NIBAN2: variants seen among roughly 807,000 people sequenced by gnomAD.
The protein encoded by NIBAN2 is protein Niban 2.
NIBAN2 carries 36 observed loss-of-function variants against 81.8 expected under a neutral mutation model. The ratio of observed to expected loss-of-function variants is 0.44; its 90% CI spans 0.34 to 0.58. The LOEUF (loss-of-function observed/expected upper bound fraction) is 0.58. Among genes scored for constraint, NIBAN2 ranks in the 20% least tolerant of loss-of-function variants. The pLI is 0.02. For missense variants in NIBAN2, 897 were observed against 1,014.1 expected, an observed-to-expected ratio of 0.88 and a Z score of 1.57; for synonymous variants, 445 against 441.6, an observed-to-expected ratio of 1.01 and a Z score of -0.10.
At chr9:127,553,617 C>T (rs1401933400) in intron 1 of NIBAN2, among the ~76,000 whole-genome samples, 1 of 152,240 alleles carries the variant, frequency 6.6e-6, no homozygotes, top group African/African-American at 2.4e-5. Context: ...CTAAACACAG[C>T]AGAATGGGGT....
rs1052607796 is a variant in NIBAN2 at position 127,520,681 on chromosome 9, C to T, written c.590-2740G>A. On this transcript the variant is annotated intron_variant, in intron 5 of 13. Transcript: ENST00000373312. ...CTGTAATCCCAGCACTTTGGGAGGC[C>T]GAGGCGGCAGAATCACGAGATCAGG... is the stretch of plus-strand genomic sequence containing the variant. 3.9e-5 allele frequency among the ~76,000 whole-genome samples: 6 copies of T among 151,964 alleles called. No individual in the cohort carries two copies. In the South Asian group the frequency reaches 6.2e-4, roughly 16 times the overall value.
rs745367909 is a variant in NIBAN2, at chr9:127,536,061, G to A, written c.56-4283C>T. On this transcript the variant is annotated intron_variant, in intron 1 of 13. Coordinates refer to ENST00000373312, the MANE Select transcript of NIBAN2 (RefSeq NM_022833.4). The surrounding 1 kb of genome is among the most constrained non-coding windows in gnomAD (Gnocchi z 4.0). ...GGCGACCACGGGAGAGCTAGAAAGG[G>A]AGGACCATGGGAAACAGGGCCACGG... is the stretch of plus-strand genomic sequence containing the variant. Among the ~76,000 whole-genome samples the A allele has an allele frequency of 3.3e-5, 5 of 152,162 alleles. No homozygotes were observed. Among genetic ancestry groups the A allele is most frequent in the Non-Finnish European group, 5.9e-5 (4 of 68,024 alleles).
chr9:127,568,791 G>A, intron 1 of NIBAN2, 29 bp downstream of exon 1: 1 of 1,290,238 alleles, frequency 7.8e-7, no homozygotes, highest in Non-Finnish European at 9.8e-7. Context: ...GCAGGCCCCT[G>A]GGCGCGCGTG....
Position 127,559,862 on chromosome 9 carries a change from C to T in NIBAN2, c.55+8958G>A, listed in dbSNP as rs59805557. On this transcript the variant is annotated intron_variant, in intron 1 of 13. Transcript: ENST00000373312. This position sits in a 1 kb window ranked among gnomAD's most constrained non-coding sequence, Gnocchi z 4.0. ...AATGTCCTATGTGAACCACATAGAA[C>T]GGTAACAGTGGATGAACCAGGAGCC... 3.4e-3 allele frequency among the ~76,000 whole-genome samples: 511 copies of T among 152,280 alleles called. 4 individuals are homozygous for T. The highest frequency in any genetic ancestry group is 0.012 in the African/African-American group (479 of 41,566).
At position 127,565,946 on chromosome 9, in the gene NIBAN2, T is replaced by TCTCTCTCA. The variant is rs751937125; in HGVS notation, c.55+2873_55+2874insTGAGAGAG. Among the ~76,000 whole-genome samples, 58 of 130,614 alleles carry TCTCTCTCA rather than the reference T, an allele frequency of 4.4e-4. No homozygotes were observed. In the East Asian group the frequency reaches 0.01, roughly 23 times the overall value. The allele number at this position is 130,614 out of a possible 152,430, so 85.7% of individuals were successfully genotyped here. A position where few individuals can be genotyped will look rare whatever the true frequency, so the allele number is the denominator to read the frequency against. ...GAGACCCTGTCTCTCTCTCTCTCTCTCACACACACACACACACACACACAC... is the reference window on the plus strand; with the variant it reads ...GAGACCCTGTCTCTCTCTCTCTCTCTCTCTCTCACACACACACACACACACACACACAC... On this transcript the variant is annotated intron_variant, in intron 1 of 13. Coordinates refer to ENST00000373312, the MANE Select transcript of NIBAN2 (RefSeq NM_022833.4).
intron 1 of NIBAN2, among the ~76,000 whole-genome samples, chr9:127,532,539 G>A (rs1837203302): frequency 6.6e-6 from 1 of 152,078 alleles, no homozygotes; most frequent in Non-Finnish European, 1.5e-5. Context: ...GGTGGAAGGC[G>A]GAGGTTTCAG....
At position 127,516,966 on chromosome 9, in the gene NIBAN2, C is replaced by T; in HGVS notation, c.864G>A (p.Glu288=). 6.2e-7 allele frequency: 1 copy of T among 1,614,140 alleles called. No homozygotes were observed. Among genetic ancestry groups the T allele is most frequent in the Non-Finnish European group, 8.5e-7 (1 of 1,180,030 alleles). Residue 288 remains glutamate, a synonymous_variant, in exon 8 of 14, where the codon GAG becomes GAA. Transcript: ENST00000373312. ...CCTGCTGCACCTTGGACAGCACCTC[C>T]TCGAAGCGCGCCTTGGCCTGCTCGT... ...MVYEQAKARF[E]EVLSKVQQVQ...
rs568949110 is a variant in NIBAN2 at position 127,545,376 on chromosome 9, C to T, written c.56-13598G>A. Reference sequence around the variant, plus strand: ...TGAGACGCTCCCCGGACTGAGACTGCTCTCCGCTGTCTCCCCAGCACCCAG... The same window carrying T: ...TGAGACGCTCCCCGGACTGAGACTGTTCTCCGCTGTCTCCCCAGCACCCAG... On this transcript the variant is annotated intron_variant, in intron 1 of 13. Transcript: ENST00000373312. The surrounding 1 kb of genome is among the most constrained non-coding windows in gnomAD (Gnocchi z 4.7). Among the ~76,000 whole-genome samples the T allele has an allele frequency of 6.6e-6, 1 of 152,324 alleles. No individual in the cohort carries two copies. The highest frequency in any genetic ancestry group is 2.1e-4 in the South Asian group (1 of 4,826).
intron 1 of NIBAN2, among the ~76,000 whole-genome samples, chr9:127,578,249 G>C (rs903802940): frequency 1.3e-5 from 2 of 151,302 alleles, no homozygotes; most frequent in Non-Finnish European, 2.9e-5. Context: ...TCCCATCCGG[G>C]AGGCTGAGGC....
chr9:127,563,099 G>A lies in NIBAN2; in HGVS notation c.55+5721C>T, dbSNP rs1019463913. 3.3e-5 allele frequency among the ~76,000 whole-genome samples: 5 copies of A among 152,148 alleles called. No homozygotes were observed. Among genetic ancestry groups the A allele is most frequent in the African/African-American group, 9.7e-5 (4 of 41,426 alleles). ...GCAGGGAGGGCAGCCATGGCCCCGC[G>A]TGGGTTTAGAAAGGTCCCTTTGGCA... is the stretch of plus-strand genomic sequence containing the variant. On this transcript the variant is annotated intron_variant, in intron 1 of 13. Transcript: ENST00000373312. This position sits in a 1 kb window ranked among gnomAD's most constrained non-coding sequence, Gnocchi z 4.1.
chr9:127,577,730 C>A (rs536099187), intron 1 of NIBAN2, among the ~76,000 whole-genome samples: 2 of 145,416 alleles, frequency 1.4e-5, no homozygotes, highest in Admixed American at 1.3e-4. Flanking sequence ...TTGTTTGTTT[C>A]AGGGATAAGA....
chr9:127,510,970 T>C (rs139360379), intron 8 of NIBAN2, among the ~76,000 whole-genome samples: 265 of 152,282 alleles, frequency 1.7e-3, no homozygotes, highest in Middle Eastern at 6.8e-3. Context: ...ATTGATCTCA[T>C]CACCCAAGTA....
chr9:127,530,122 T>A (rs539945808), intron 2 of NIBAN2, among the ~76,000 whole-genome samples: 2 of 152,284 alleles, frequency 1.3e-5, no homozygotes, highest in East Asian at 3.9e-4. Context: ...CAAGGCCTCC[T>A]TTTCTTTCCT....
In NIBAN2 at chr9:127,576,759, T is replaced by C. The variant is rs540616660; in HGVS notation, c.16+2163A>G. Among the ~76,000 whole-genome samples the C allele has an allele frequency of 2.1e-4, 31 of 149,738 alleles. No individual in the cohort carries two copies. In the East Asian group the frequency reaches 4.2e-3, roughly 20 times the overall value. Reference sequence around the variant, plus strand: ...AAGACCTCGTCTCTATTTTTTTTTTTCCCAAGACAGAGTCTTGCTCTGTCA... The same window carrying C: ...AAGACCTCGTCTCTATTTTTTTTTTCCCCAAGACAGAGTCTTGCTCTGTCA... On this transcript the variant is annotated intron_variant, in intron 1 of 13. Coordinates refer to the NIBAN2 transcript ENST00000373314.
At chr9:127,552,684 GTTTTTT>G (rs919155330) in intron 1 of NIBAN2, among the ~76,000 whole-genome samples, 6 of 97,974 alleles carry the variant, frequency 6.1e-5, no homozygotes, top group Non-Finnish European at 1.2e-4. Context: ...TGGAATATTC[GTTTTTT>G]TTTTTTTTTT....
intron 1 of NIBAN2, among the ~76,000 whole-genome samples, chr9:127,532,771 A>G (rs1837208123): frequency 6.6e-6 from 1 of 151,992 alleles, no homozygotes; most frequent in South Asian, 2.1e-4. Flanking sequence ...AGTGGCTCAC[A>G]CCTATAATCC....
chr9:127,537,823 A>T (rs942242779), intron 1 of NIBAN2, among the ~76,000 whole-genome samples: 1 of 152,064 alleles, frequency 6.6e-6, no homozygotes, highest in Non-Finnish European at 1.5e-5. Flanking sequence ...CCACTCTGTC[A>T]GTCCACAAAA....
chr9:127,531,745 T>C lies in NIBAN2; in HGVS notation c.89A>G (p.Gln30Arg). ...KTGKILTEFL[Q>R]FYEDQYGVAL... is the part of the protein sequence containing the mutation. ...CACGCCATACTGGTCTTCATAGAAC[T>C]GGAGGAACTCCGTCAGGATCTTCCC... is the stretch of plus-strand genomic sequence containing the variant. The change falls in exon 2 of 14, where the codon CAG (glutamine) becomes CGG (arginine). Residue 30 changes from glutamine to arginine, a missense_variant. Gln to Arg is a conservative substitution (Grantham distance 43). This residue lies in a region of NIBAN2 where 209 missense variants were observed against 208.4 expected (regional missense o/e 1.00). Coordinates refer to ENST00000373312, the MANE Select transcript of NIBAN2 (RefSeq NM_022833.4). 6.2e-7 allele frequency: 1 copy of C among 1,614,220 alleles called. No individual in the cohort carries two copies. The highest frequency in any genetic ancestry group is 1.7e-5 in the Admixed American group (1 of 60,030).
chr9:127,569,148 C>T, upstream of NIBAN2: 1 of 869,766 alleles, frequency 1.1e-6, no homozygotes, highest in Non-Finnish European at 1.4e-6. Context: ...CGCAGGCCAA[C>T]CCCGCCCCCT....
Sources: allele counts gnomAD v4.1 joint callset (sites outside exome capture counted in the v4.1 genomes callset), GRCh38; gene constraint gnomAD v4.1.1; regional missense constraint gnomAD v4.1.1; non-coding constraint Gnocchi (gnomAD v3.1); transcripts MANE v1.5; gene names NCBI Gene and HGNC (gene_info 2026-07-23, HGNC 2026-07-21).